ZNF704: variants seen among roughly 807,000 people sequenced by gnomAD.
ZNF704 encodes the protein glucocorticoid induced gene 1.
Under a neutral mutation model 44.7 loss-of-function variants are expected in ZNF704, and 10 were observed. That is an observed-to-expected ratio of 0.22 (90% CI 0.14 to 0.38). The LOEUF (loss-of-function observed/expected upper bound fraction) is 0.38, where lower values mean the gene tolerates loss of function less well. Ranked by LOEUF, ZNF704 falls within the 10% of genes least tolerant of loss-of-function variation. The probability of loss-of-function intolerance (pLI) is 1.00; values close to 1 mark genes in which losing one functional copy is unlikely to be tolerated. For missense variants in ZNF704, 390 were observed against 545.5 expected, an observed-to-expected ratio of 0.71 and a Z score of 2.84; for synonymous variants, 211 against 207.6, an observed-to-expected ratio of 1.02 and a Z score of -0.14.
At chr8:80,809,803 G>A (rs1038538431) in intron 2 of ZNF704, among the ~76,000 whole-genome samples, 5 of 151,986 alleles carry the variant, frequency 3.3e-5, no homozygotes, top group South Asian at 4.2e-4. Flanking sequence ...TTTGTTAAAG[G>A]GATCTTAAAT....
rs1808270533 is a variant in ZNF704 at position 80,821,514 on chromosome 8, G to T, written c.81C>A (p.Ala27=). 3 of 1,613,964 alleles carry T rather than the reference G, an allele frequency of 1.9e-6. No homozygotes were observed. The highest frequency in any genetic ancestry group is 2.5e-6 in the Non-Finnish European group (3 of 1,180,026). The change falls in exon 2 of 9, where the codon GCC becomes GCA. Residue 27 remains alanine, a synonymous_variant. Transcript: ENST00000327835. ...CTGCTGTTTTCACATCTTCCTCCAT[G>T]GCCAAGGAAAACACGTGTTGATGAG... The part of the protein sequence containing the change: ...KMSHQHVFSL[A]MEEDVKTADT...
intron 2 of ZNF704, among the ~76,000 whole-genome samples, chr8:80,727,476 C>T (rs780897925): frequency 2.7e-5 from 4 of 150,848 alleles, no homozygotes; most frequent in Admixed American, 1.3e-4. Context: ...ATAACCAAAA[C>T]GCACAGTTTG....
At chr8:80,829,967 G>A (rs552247333) in intron 1 of ZNF704, among the ~76,000 whole-genome samples, 1 of 152,322 alleles carries the variant, frequency 6.6e-6, no homozygotes, top group East Asian at 1.9e-4. Context: ...GGAAGGGGCA[G>A]ATGGCAGATG....
chr8:80,666,890 G>A (rs541603561), intron 5 of ZNF704, among the ~76,000 whole-genome samples: 1,696 of 151,688 alleles, frequency 0.011, 42 homozygotes, highest in African/African-American at 0.039. Context: ...AGTAGGTTGC[G>A]AAAATTTTCT....
Position 80,636,773 on chromosome 8 carries a change from C to T in ZNF704, c.*4593G>A, listed in dbSNP as rs2131583691. On this transcript the variant is annotated 3_prime_UTR_variant, in exon 9 of 9. Transcript: ENST00000327835. ...ATGCACAAATTCTTCCCTGAGTTCA[C>T]ACAGGTCAGTGCTACAGAAGATGTG... The T allele has an allele frequency of 6.6e-6, 1 of 152,294 alleles. No homozygotes were observed. Among genetic ancestry groups the T allele is most frequent in the Admixed American group, 6.5e-5 (1 of 15,304 alleles). The allele number at this position is 152,294 out of a possible 1,614,324, so 9.4% of individuals were successfully genotyped here.
chr8:80,779,436 T>C lies in ZNF704; in HGVS notation c.221+41938A>G, dbSNP rs543862066. ...TTTGTGGGTTATTCTTAACAAGTTT[T>C]GAAATCCTTTTATGTCCTAGTCTTA... On this transcript the variant is annotated intron_variant, in intron 2 of 8. Coordinates refer to ENST00000327835, the MANE Select transcript of ZNF704 (RefSeq NM_001033723.3). Among the ~76,000 whole-genome samples the C allele has an allele frequency of 5.3e-5, 8 of 152,270 alleles. No homozygotes were observed. In the South Asian group the frequency reaches 8.3e-4, roughly 16 times the overall value.
chr8:80,703,992 G>A (rs1324455736), intron 2 of ZNF704, among the ~76,000 whole-genome samples: 1 of 151,622 alleles, frequency 6.6e-6, no homozygotes, highest in Non-Finnish European at 1.5e-5. Flanking sequence ...TAAATAAATC[G>A]TTCATAGGAT....
intron 2 of ZNF704, among the ~76,000 whole-genome samples, chr8:80,721,781 C>T (rs76122506): frequency 0.023 from 3,466 of 152,276 alleles, 134 homozygotes; most frequent in African/African-American, 0.079. Flanking sequence ...AACTGTAGTA[C>T]ACATGCTTGG....
chr8:80,681,741 A>C (rs1232820404), intron 4 of ZNF704, among the ~76,000 whole-genome samples: 2 of 152,184 alleles, frequency 1.3e-5, no homozygotes, highest in African/African-American at 4.8e-5. Context: ...TGAATTCTAA[A>C]AGTGCATCTC....
chr8:80,676,301 G>A (rs1818364790), intron 4 of ZNF704, among the ~76,000 whole-genome samples: 1 of 152,194 alleles, frequency 6.6e-6, no homozygotes, highest in Non-Finnish European at 1.5e-5. Flanking sequence ...ACTAAGGTGC[G>A]TTTCTATGCT....
At chr8:80,660,466 G>T (rs1818082601) in intron 6 of ZNF704, among the ~76,000 whole-genome samples, 3 of 132,372 alleles carry the variant, frequency 2.3e-5, no homozygotes, top group Non-Finnish European at 3.1e-5. Flanking sequence ...GTGAAATCTT[G>T]TCTCAAAAAA....
At chr8:80,686,243 A>G (rs907957132) in intron 4 of ZNF704, among the ~76,000 whole-genome samples, 3 of 152,232 alleles carry the variant, frequency 2.0e-5, no homozygotes, top group Non-Finnish European at 2.9e-5. Context: ...TGTACAATCA[A>G]TCTCTCTGAT....
chr8:80,784,775 A>C (rs1171406693), intron 2 of ZNF704, among the ~76,000 whole-genome samples: 2 of 152,134 alleles, frequency 1.3e-5, no homozygotes, highest in Non-Finnish European at 2.9e-5. Context: ...TGCCTCTTTC[A>C]TGGAGTTTGT....
chr8:80,864,166 A>G (rs183356353), intron 1 of ZNF704, among the ~76,000 whole-genome samples: 1 of 152,322 alleles, frequency 6.6e-6, no homozygotes, highest in Non-Finnish European at 1.5e-5. Context: ...ATGAGGAAAA[A>G]TATGTCAAAG....
chr8:80,814,785 G>A (rs1586047213), intron 2 of ZNF704, among the ~76,000 whole-genome samples: 1 of 152,176 alleles, frequency 6.6e-6, no homozygotes, highest in East Asian at 1.9e-4. Context: ...TGGTTACAGA[G>A]TTTGTGACCT....
At chr8:80,674,342 A>G (rs998579693) in intron 4 of ZNF704, among the ~76,000 whole-genome samples, 27 of 152,220 alleles carry the variant, frequency 1.8e-4, no homozygotes, top group African/African-American at 6.0e-4. Flanking sequence ...TCCATTTTGC[A>G]TTGCCATAAA....
At chr8:80,842,052 C>A (rs957863013) in intron 1 of ZNF704, among the ~76,000 whole-genome samples, 2 of 152,214 alleles carry the variant, frequency 1.3e-5, no homozygotes, top group East Asian at 3.8e-4. Flanking sequence ...TTGCCTCTGC[C>A]TCCCAAAGTG....
At chr8:80,693,178 G>A (rs1818668704) in intron 2 of ZNF704, 71 bp from the exon 3 acceptor site, 16 of 1,276,630 alleles carry the variant, frequency 1.3e-5, no homozygotes, top group African/African-American at 4.4e-5. Context: ...GGTGTGACAC[G>A]CTGTCACGCA....
chr8:80,763,248 A>G (rs1807161771), intron 2 of ZNF704, among the ~76,000 whole-genome samples: 1 of 152,134 alleles, frequency 6.6e-6, no homozygotes, highest in Non-Finnish European at 1.5e-5. Flanking sequence ...CCAACCCCAC[A>G]TTTCCCTTCC....
Sources: allele counts gnomAD v4.1 joint callset (sites outside exome capture counted in the v4.1 genomes callset), GRCh38; gene constraint gnomAD v4.1.1; transcripts MANE v1.5; gene names NCBI Gene and HGNC (gene_info 2026-07-23, HGNC 2026-07-21).